The following SLC12A5 variants were observed in gnomAD, a reference collection of about 807,000 sequenced individuals.
SLC12A5 encodes solute carrier family 12 member 5, also known as K-Cl cotransporter 2.
In SLC12A5, 18 loss-of-function variants were observed where a neutral mutation model predicts 124.0. The observed-to-expected ratio is 0.15, with a 90% CI of 0.10 to 0.22. The LOEUF (loss-of-function observed/expected upper bound fraction) is 0.22, where lower values mean the gene tolerates loss of function less well. SLC12A5 is among the 10% of genes least tolerant of loss of function. The probability of loss-of-function intolerance (pLI) is 1.00; values close to 1 mark genes in which losing one functional copy is unlikely to be tolerated. For missense variants in SLC12A5, 867 were observed against 1,478.7 expected, an observed-to-expected ratio of 0.59 and a Z score of 6.78; for synonymous variants, 589 against 568.0, an observed-to-expected ratio of 1.04 and a Z score of -0.53.
At position 46,033,613 on chromosome 20, in the gene SLC12A5, A is replaced by C. The variant is rs141518538; in HGVS notation, c.53-1335A>C. Among the ~76,000 whole-genome samples, 427 of 152,240 alleles carry C rather than the reference A, an allele frequency of 2.8e-3. 3 individuals are homozygous for C. Among genetic ancestry groups the C allele is most frequent in the South Asian group, 0.013 (62 of 4,818 alleles). On this transcript the variant is annotated intron_variant, in intron 1 of 25. Transcript: ENST00000243964. ...ATCCAGGTGGCTTCTGCATGTATCC[A>C]CTTGAGTGCCCTACAGTGCCTCACC... is the stretch of plus-strand genomic sequence containing the variant.
At chr20:46,038,585 T>A (rs1435686811) in intron 6 of SLC12A5, among the ~76,000 whole-genome samples, 2 of 152,176 alleles carry the variant, frequency 1.3e-5, no homozygotes, top group Non-Finnish European at 2.9e-5. Context: ...TTCCAGAGCC[T>A]TACACAAGTG....
chr20:46,041,286 G>A lies in SLC12A5; in HGVS notation c.855-43G>A. Reference sequence around the variant, plus strand: ...TGGCTGTATTGTGCAGCGAGGGCAAGGTTATGTGGCTCCCCACCTTCCTCC... The same window carrying A: ...TGGCTGTATTGTGCAGCGAGGGCAAAGTTATGTGGCTCCCCACCTTCCTCC... On this transcript the variant is annotated intron_variant, in intron 7 of 25. Coordinates refer to ENST00000243964, the MANE Select transcript of SLC12A5 (RefSeq NM_020708.5). 4 of 1,585,742 alleles carry A rather than the reference G, an allele frequency of 2.5e-6. No individual in the cohort carries two copies. In the South Asian group the frequency reaches 3.3e-5, roughly 13 times the overall value.
In SLC12A5 at chr20:46,045,711, A is replaced by G. The variant is rs2084589044; in HGVS notation, c.1570-167A>G. 2.0e-5 allele frequency among the ~76,000 whole-genome samples: 3 copies of G among 152,134 alleles called. No homozygotes were observed. The highest frequency in any genetic ancestry group is 7.2e-5 in the African/African-American group (3 of 41,418). ...TCTCAGGGTGGGCAAGATGCAGCGA[A>G]AGCCTGTTATCCATTTGCATTCTCC... On this transcript the variant is annotated intron_variant, in intron 12 of 25. Transcript: ENST00000243964. This position sits in a 1 kb window ranked among gnomAD's most constrained non-coding sequence, Gnocchi z 4.9.
chr20:46,052,798 C>T (rs1362932323), intron 18 of SLC12A5, among the ~76,000 whole-genome samples, 159 bp from the exon 19 acceptor site: 1 of 152,136 alleles, frequency 6.6e-6, no homozygotes, highest in African/African-American at 2.4e-5. Context: ...TATGATGGGG[C>T]CCAAGTAGAT....
intron 1 of SLC12A5, among the ~76,000 whole-genome samples, chr20:46,029,887 TGTGC>T (rs61624446): frequency 0.45 from 50,862 of 112,230 alleles, 9,863 homozygotes; most frequent in Middle Eastern, 0.59. Context: ...TGTGTGTGTG[TGTGC>T]GCGCGCGTGC....
intron 1 of SLC12A5, among the ~76,000 whole-genome samples, chr20:46,033,506 C>T (rs549581842): frequency 6.6e-5 from 10 of 152,310 alleles, no homozygotes; most frequent in South Asian, 2.1e-4. Flanking sequence ...TGGCTTCACA[C>T]GCATACTACA....
upstream of SLC12A5, among the ~76,000 whole-genome samples, chr20:46,024,916 C>T (rs2084384321): frequency 6.6e-6 from 1 of 152,192 alleles, no homozygotes; most frequent in Non-Finnish European, 1.5e-5. Flanking sequence ...AGGGGGGAGT[C>T]AGGGCCCTGA....
chr20:46,054,333 A>G (rs955408436), intron 20 of SLC12A5, among the ~76,000 whole-genome samples: 7 of 152,218 alleles, frequency 4.6e-5, no homozygotes, highest in African/African-American at 7.2e-5. Flanking sequence ...ACGCACATAC[A>G]ATGGTGTTAT....
intron 1 of SLC12A5, chr20:46,021,951 A>G (rs979278418): frequency 7.0e-7 from 1 of 1,420,402 alleles, no homozygotes; most frequent in African/African-American, 1.5e-5. Flanking sequence ...GCCGGGGCGG[A>G]CCGTCTGTTG....
chr20:46,033,885 C>T (rs543919307), intron 1 of SLC12A5, among the ~76,000 whole-genome samples: 9 of 152,304 alleles, frequency 5.9e-5, no homozygotes, highest in South Asian at 4.1e-4. Context: ...TCTCTAACTA[C>T]GGTACTCTGT....
chr20:46,049,946 C>G (rs993010540), intron 17 of SLC12A5, among the ~76,000 whole-genome samples, 156 bp downstream of exon 17: 14 of 152,244 alleles, frequency 9.2e-5, no homozygotes, highest in East Asian at 5.8e-4. Context: ...AGAGCCTAGA[C>G]AGTGAGTTCT....
intron 1 of SLC12A5, chr20:46,021,948 C>A: frequency 7.0e-7 from 1 of 1,424,218 alleles, no homozygotes; most frequent in Non-Finnish European, 9.2e-7. Context: ...GGGGCCGGGG[C>A]GGACCGTCTG....
rs199747973 is a variant in SLC12A5, at chr20:46,052,939, C to T, written c.2378-18C>T. ...AGTCACTGTTTCCCCCTCTGGCCCT[C>T]TCCTTGGCCTCCCTCAGAGCTGGTC... is the stretch of plus-strand genomic sequence containing the variant. On this transcript the variant is annotated intron_variant, in intron 18 of 25. Coordinates refer to ENST00000243964, the MANE Select transcript of SLC12A5 (RefSeq NM_020708.5). 2 of 1,597,832 alleles carry T rather than the reference C, an allele frequency of 1.3e-6. No individual in the cohort carries two copies. The highest frequency in any genetic ancestry group is 3.4e-5 in the Admixed American group (2 of 59,374).
At position 46,057,480 on chromosome 20, in the gene SLC12A5, G is replaced by A. The variant is rs1468822577; in HGVS notation, c.3260-34G>A. The A allele has an allele frequency of 6.2e-7, 1 of 1,611,460 alleles. No homozygotes were observed. The highest frequency in any genetic ancestry group is 2.2e-5 in the East Asian group (1 of 44,850). ...CGACCCCAATTTCGTCGGGAGGGAAGGAGACCGGGTCTTTCTCCTTGACCG... is the reference window on the plus strand; with the variant it reads ...CGACCCCAATTTCGTCGGGAGGGAAAGAGACCGGGTCTTTCTCCTTGACCG... On this transcript the variant is annotated intron_variant, in intron 25 of 25. Coordinates refer to ENST00000243964, the MANE Select transcript of SLC12A5 (RefSeq NM_020708.5). The surrounding 1 kb of genome is among the most constrained non-coding windows in gnomAD (Gnocchi z 7.1).
In SLC12A5 at chr20:46,040,362, C is replaced by A; in HGVS notation, c.613-11C>A. 1 of 1,613,428 alleles carries A rather than the reference C, an allele frequency of 6.2e-7. No homozygotes were observed. Among genetic ancestry groups the A allele is most frequent in the East Asian group, 2.2e-5 (1 of 44,886 alleles). On this transcript the variant is annotated splice_polypyrimidine_tract_variant and intron_variant, in intron 6 of 25. Transcript: ENST00000243964. ...ACTTAGGTATCTGTTCTTCCTGCCC[C>A]TTTCCCACAGGCTTACCTCTTCCCA...
chr20:46,058,275 T>A lies in SLC12A5; in HGVS notation c.*670T>A, dbSNP rs2084715557. Reference sequence around the variant, plus strand: ...TGAATTTTCCTTGACGTCCAAGAGTTTGAGAGCGAAAGTGCTTTAGGCCCA... The same window carrying A: ...TGAATTTTCCTTGACGTCCAAGAGTATGAGAGCGAAAGTGCTTTAGGCCCA... On this transcript the variant is annotated 3_prime_UTR_variant, in exon 26 of 26. Transcript: ENST00000243964. This position sits in a 1 kb window ranked among gnomAD's most constrained non-coding sequence, Gnocchi z 5.8. 2.5e-6 allele frequency: 1 copy of A among 394,478 alleles called. No homozygotes were observed. Among genetic ancestry groups the A allele is most frequent in the African/African-American group, 2.1e-5 (1 of 48,574 alleles). 24.4% of individuals were successfully genotyped at this position (394,478 alleles called of 1,614,324 possible). A position where few individuals can be genotyped will look rare whatever the true frequency, so the allele number is the denominator to read the frequency against.
intron 10 of SLC12A5, 54 bp from the exon 11 acceptor site, chr20:46,043,822 G>T: frequency 6.2e-7 from 1 of 1,613,282 alleles, no homozygotes; most frequent in Non-Finnish European, 8.5e-7. Context: ...GTGCAGGAAG[G>T]GTGGGGAGGG....
intron 1 of SLC12A5, among the ~76,000 whole-genome samples, chr20:46,034,051 C>T (rs6017729): frequency 0.022 from 3,297 of 152,210 alleles, 65 homozygotes; most frequent in African/African-American, 0.054. Context: ...GACCAGCCTG[C>T]GCTTCCCTTC....
intron 5 of SLC12A5, among the ~76,000 whole-genome samples, chr20:46,037,047 G>C (rs562873793): frequency 1.3e-5 from 2 of 152,044 alleles, no homozygotes; most frequent in African/African-American, 4.8e-5. Flanking sequence ...CCTCCTTAAA[G>C]GGGTAATTAG....
Sources: allele counts gnomAD v4.1 joint callset (sites outside exome capture counted in the v4.1 genomes callset), GRCh38; gene constraint gnomAD v4.1.1; non-coding constraint Gnocchi (gnomAD v3.1); transcripts MANE v1.5; gene names NCBI Gene and HGNC (gene_info 2026-07-23, HGNC 2026-07-21).